The following BMPER variants were observed in gnomAD, a reference collection of about 807,000 sequenced individuals.
BMPER encodes the protein BMP-binding endothelial regulator protein.
BMPER carries 45 observed loss-of-function variants against 87.3 expected under a neutral mutation model. The ratio of observed to expected loss-of-function variants is 0.52; its 90% CI spans 0.41 to 0.66. The LOEUF (loss-of-function observed/expected upper bound fraction) is 0.66, where lower values mean the gene tolerates loss of function less well. BMPER is among the 30% of genes least tolerant of loss of function. BMPER has a pLI of 0.00. For missense variants in BMPER, 784 were observed against 867.5 expected (o/e 0.90, Z 1.21); for synonymous variants, 326 against 316.2 (o/e 1.03, Z -0.33).
At chr7:34,136,720 T>G (rs1247057794) in intron 13 of BMPER, among the ~76,000 whole-genome samples, 1 of 152,264 alleles carries the variant, frequency 6.6e-6, no homozygotes, top group Non-Finnish European at 1.5e-5. Context: ...GCCTTGATCC[T>G]GCCATTGCTC....
At chr7:34,105,341 G>A (rs2127984212) in intron 13 of BMPER, among the ~76,000 whole-genome samples, 1 of 152,300 alleles carries the variant, frequency 6.6e-6, no homozygotes, top group East Asian at 1.9e-4. Flanking sequence ...ATGCCTTCAT[G>A]TCCTGCTCTG....
intron 12 of BMPER, 88 bp from the exon 13 acceptor site, chr7:34,085,668 C>A (rs1789179201): frequency 8.0e-7 from 1 of 1,252,268 alleles, no homozygotes; most frequent in Non-Finnish European, 1.1e-6. Flanking sequence ...GACAGTCAGT[C>A]ATATGTTCTG....
In BMPER at chr7:33,970,315, G is replaced by A. The variant is rs201207246; in HGVS notation, c.403-14G>A. On this transcript the variant is annotated splice_polypyrimidine_tract_variant and intron_variant, in intron 4 of 14. Transcript: ENST00000649409. ...ATTCTGGGCTGACTTTGCTTGTTTT[G>A]TTCTGTGTTTCAGGAGGGCGTTGTC... 1.7e-5 allele frequency: 28 copies of A among 1,611,824 alleles called. No homozygotes were observed. Among genetic ancestry groups the A allele is most frequent in the Non-Finnish European group, 2.0e-5 (23 of 1,178,056 alleles).
intron 6 of BMPER, among the ~76,000 whole-genome samples, chr7:33,982,470 A>G (rs936602289): frequency 1.3e-5 from 2 of 151,740 alleles, no homozygotes; most frequent in Non-Finnish European, 2.9e-5. Flanking sequence ...TGCACTATGG[A>G]TGTACCATCT....
chr7:33,990,093 A>G (rs201368591), intron 6 of BMPER, among the ~76,000 whole-genome samples: 36,550 of 150,358 alleles, frequency 0.24, 4,672 homozygotes, highest in Admixed American at 0.32. Flanking sequence ...TGACTTGGCG[A>G]TGCAGGCTCT....
intron 2 of BMPER, among the ~76,000 whole-genome samples, chr7:33,911,209 A>G (rs1285291882): frequency 6.6e-6 from 1 of 152,200 alleles, no homozygotes; most frequent in African/African-American, 2.4e-5. Flanking sequence ...CAACAGAACA[A>G]TTTTTGGGAA....
At chr7:34,045,301 A>C (rs1787932550) in intron 6 of BMPER, among the ~76,000 whole-genome samples, 1 of 152,326 alleles carries the variant, frequency 6.6e-6, no homozygotes, top group African/African-American at 2.4e-5. Context: ...TGCCCGTTGG[A>C]CGTAAATCAA....
chr7:33,961,008 G>C (rs1410009291), intron 3 of BMPER, among the ~76,000 whole-genome samples: 4 of 152,166 alleles, frequency 2.6e-5, no homozygotes, highest in African/African-American at 9.7e-5. Flanking sequence ...AAAAGGATGA[G>C]TGAGGCAAGG....
intron 10 of BMPER, 21 bp from the exon 11 acceptor site, chr7:34,061,975 CTTTGTA>C (rs767705453): frequency 1.3e-5 from 18 of 1,392,888 alleles, no homozygotes; most frequent in East Asian, 2.4e-5. Context: ...TAAACAGTAA[CTTTGTA>C]TTTGTTTTTC....
intron 13 of BMPER, among the ~76,000 whole-genome samples, chr7:34,103,495 C>G (rs1312547083): frequency 6.6e-6 from 1 of 152,154 alleles, no homozygotes; most frequent in South Asian, 2.1e-4. Flanking sequence ...GAGTTCCTTT[C>G]TAGCTAAGTC....
chr7:33,962,160 G>A (rs766844674), intron 3 of BMPER, among the ~76,000 whole-genome samples: 52 of 152,120 alleles, frequency 3.4e-4, no homozygotes, highest in Non-Finnish European at 6.6e-4. Flanking sequence ...AGAACTAATA[G>A]GAAAAATGAG....
chr7:33,987,610 A>G (rs539261339), intron 6 of BMPER, among the ~76,000 whole-genome samples: 1 of 152,210 alleles, frequency 6.6e-6, no homozygotes, highest in African/African-American at 2.4e-5. Flanking sequence ...AAGGGGCCCC[A>G]TGGCAGGTAT....
At chr7:33,937,671 A>G (rs1784640353) in intron 3 of BMPER, 6 of 447,728 alleles carry the variant, frequency 1.3e-5, no homozygotes, top group Non-Finnish European at 8.4e-6. Context: ...GTCGTAGAGA[A>G]GAGTCAACCA....
intron 13 of BMPER, among the ~76,000 whole-genome samples, chr7:34,107,642 T>A (rs933940193): frequency 5.9e-5 from 9 of 152,178 alleles, no homozygotes; most frequent in African/African-American, 2.2e-4. Context: ...TTCTGGTCTT[T>A]AAAAAATAAA....
chr7:33,966,611 T>C, intron 4 of BMPER, 50 bp downstream of exon 4: 1 of 1,551,130 alleles, frequency 6.4e-7, no homozygotes, highest in South Asian at 1.1e-5. Flanking sequence ...CATAGAGTCC[T>C]CTTTAGTCAC....
intron 13 of BMPER, among the ~76,000 whole-genome samples, chr7:34,133,567 C>T (rs1396323339): frequency 6.6e-6 from 1 of 152,160 alleles, no homozygotes; most frequent in African/African-American, 2.4e-5. Context: ...CTGTGAGTCA[C>T]TCCAGCAAAT....
chr7:34,027,434 G>A (rs1227514862), intron 6 of BMPER, among the ~76,000 whole-genome samples: 1 of 151,994 alleles, frequency 6.6e-6, no homozygotes, highest in Non-Finnish European at 1.5e-5. Context: ...TCTCCTAGAT[G>A]AAACTAAAAA....
At chr7:34,063,673 G>A (rs1041280561) in intron 11 of BMPER, among the ~76,000 whole-genome samples, 2 of 152,154 alleles carry the variant, frequency 1.3e-5, no homozygotes, top group South Asian at 2.1e-4. Context: ...TTAAAAACAC[G>A]TGTACAATCT....
chr7:33,925,096 C>G (rs1784329644), intron 2 of BMPER, among the ~76,000 whole-genome samples: 1 of 152,136 alleles, frequency 6.6e-6, no homozygotes, highest in African/African-American at 2.4e-5. Flanking sequence ...TGCAGTCGTC[C>G]CTGCTAGAAC....
Sources: allele counts gnomAD v4.1 joint callset (sites outside exome capture counted in the v4.1 genomes callset), GRCh38; gene constraint gnomAD v4.1.1; transcripts MANE v1.5; gene names NCBI Gene and HGNC (gene_info 2026-07-23, HGNC 2026-07-21).